HMGA2: variants seen among roughly 807,000 people sequenced by gnomAD.
HMGA2 encodes high mobility group AT-hook 2.
In HMGA2, 8 loss-of-function variants were observed where a neutral mutation model predicts 19.1. The observed-to-expected ratio is 0.42, with a 90% CI of 0.25 to 0.76. The LOEUF (loss-of-function observed/expected upper bound fraction) is 0.76, where lower values mean the gene tolerates loss of function less well. HMGA2 is among the 30% of genes least tolerant of loss of function. The probability of loss-of-function intolerance (pLI) is 0.28; values close to 1 mark genes in which losing one functional copy is unlikely to be tolerated. For missense variants in HMGA2, 109 were observed against 136.3 expected (o/e 0.80, Z 1.00); for synonymous variants, 60 against 48.8 (o/e 1.23, Z -0.96).
intron 3 of HMGA2, among the ~76,000 whole-genome samples, chr12:65,890,118 C>G (rs980427398): frequency 3.5e-4 from 54 of 152,154 alleles, no homozygotes; most frequent in African/African-American, 1.3e-3. Context: ...AAACACTCAG[C>G]AAAATGAGAG....
rs984741611 is a variant in HMGA2 at position 65,864,041 on chromosome 12, T to C, written c.249+25472T>C. Among the ~76,000 whole-genome samples, 32 of 152,202 alleles carry C rather than the reference T, an allele frequency of 2.1e-4. 1 individual carries two copies. Among genetic ancestry groups the C allele is most frequent in the Non-Finnish European group, 1.0e-4 (7 of 68,024 alleles). On this transcript the variant is annotated intron_variant, in intron 3 of 4. Transcript: ENST00000403681. ...TTAGAAGGGTTCCATGAATATTATGTATGTGCAGTAAACATTTATGACCTT... is the reference window on the plus strand; with the variant it reads ...TTAGAAGGGTTCCATGAATATTATGCATGTGCAGTAAACATTTATGACCTT...
intron 3 of HMGA2, among the ~76,000 whole-genome samples, chr12:65,935,833 C>G (rs1392046321): frequency 1.3e-5 from 2 of 151,974 alleles, no homozygotes; most frequent in Admixed American, 6.6e-5. Flanking sequence ...CAATCTCAAA[C>G]AATAGTACAT....
At chr12:65,864,748 T>G (rs1592398771) in intron 3 of HMGA2, among the ~76,000 whole-genome samples, 1 of 152,358 alleles carries the variant, frequency 6.6e-6, no homozygotes, top group East Asian at 1.9e-4. Context: ...TGCAGTGCCA[T>G]TGAACAGAAG....
intron 3 of HMGA2, among the ~76,000 whole-genome samples, chr12:65,875,954 T>C (rs1176677815): frequency 6.6e-6 from 1 of 152,174 alleles, no homozygotes; most frequent in Non-Finnish European, 1.5e-5. Context: ...ATCTGATTTT[T>C]TTTAAAAGTG....
chr12:65,908,158 G>A (rs1373299445), intron 3 of HMGA2, among the ~76,000 whole-genome samples: 2 of 152,134 alleles, frequency 1.3e-5, no homozygotes, highest in African/African-American at 4.8e-5. Flanking sequence ...TTATTTTCAT[G>A]GTGAGTTATG....
At chr12:65,882,556 C>T (rs1873473960) in intron 3 of HMGA2, among the ~76,000 whole-genome samples, 2 of 152,338 alleles carry the variant, frequency 1.3e-5, no homozygotes, top group Non-Finnish European at 1.5e-5. Context: ...TCCTGAGGGC[C>T]TGTCCCCACT....
intron 3 of HMGA2, among the ~76,000 whole-genome samples, 172 bp from the exon 4 acceptor site, chr12:65,951,211 G>T (rs753501335): frequency 5.3e-5 from 8 of 152,142 alleles, no homozygotes; most frequent in Non-Finnish European, 8.8e-5. Context: ...TTATAAGCGT[G>T]AGCCACCATG....
chr12:65,913,613 C>T (rs1347603668), intron 3 of HMGA2, among the ~76,000 whole-genome samples: 1 of 152,252 alleles, frequency 6.6e-6, no homozygotes, highest in Non-Finnish European at 1.5e-5. Context: ...TATTATTCAG[C>T]CTTTTAATAA....
chr12:65,914,424 A>G (rs895353868), intron 3 of HMGA2, among the ~76,000 whole-genome samples: 14 of 145,134 alleles, frequency 9.6e-5, no homozygotes, highest in Non-Finnish European at 1.6e-4. Context: ...ATTCTCACTC[A>G]TAGGTGGGAA....
intron 3 of HMGA2, chr12:65,915,310 C>T: frequency 7.0e-7 from 1 of 1,418,896 alleles, no homozygotes; most frequent in Non-Finnish European, 9.2e-7. Context: ...GTCTGCATCC[C>T]AAGATGTAGT....
chr12:65,957,657 C>A (rs1341328662), intron 4 of HMGA2: 1 of 152,070 alleles, frequency 6.6e-6, no homozygotes, highest in Non-Finnish European at 1.5e-5. Context: ...TTAGTTTATA[C>A]CTAAAATGAT....
chr12:65,842,148 T>A (rs1219316479), intron 3 of HMGA2: 1 of 1,280,574 alleles, frequency 7.8e-7, no homozygotes, highest in African/African-American at 1.5e-5. Context: ...GAGCTCAGGC[T>A]CTGGATTCAG....
intron 3 of HMGA2, among the ~76,000 whole-genome samples, chr12:65,926,726 C>T (rs1032826900): frequency 1.3e-5 from 2 of 152,154 alleles, no homozygotes; most frequent in African/African-American, 4.8e-5. Context: ...CCATGAAGAT[C>T]ACAAAGGAAA....
chr12:65,861,273 G>C (rs762796883), intron 3 of HMGA2, among the ~76,000 whole-genome samples: 3 of 152,160 alleles, frequency 2.0e-5, no homozygotes, highest in African/African-American at 2.4e-5. Context: ...GGCTGAGGCA[G>C]GAGAATCGCT....
chr12:65,962,948 T>C (rs913129219), intron 4 of HMGA2, among the ~76,000 whole-genome samples: 3 of 152,094 alleles, frequency 2.0e-5, no homozygotes, highest in Admixed American at 6.6e-5. Flanking sequence ...AATTGGTGAG[T>C]AAGCGTGCAT....
At chr12:65,875,707 T>TTCCAAGGG (rs376911236) in intron 3 of HMGA2, among the ~76,000 whole-genome samples, 11 of 147,216 alleles carry the variant, frequency 7.5e-5, no homozygotes, top group African/African-American at 2.5e-4. Flanking sequence ...TGACTCGGCC[T>TTCCAAGGG]TCCAAGGGGC....
At chr12:65,942,322 T>C (rs568746522) in intron 3 of HMGA2, among the ~76,000 whole-genome samples, 1 of 152,312 alleles carries the variant, frequency 6.6e-6, no homozygotes, top group East Asian at 1.9e-4. Context: ...CATGTGCATA[T>C]GCAAAGTGAC....
At chr12:65,858,835 AC>A in intron 3 of HMGA2, 1 of 152,304 alleles carries the variant, frequency 6.6e-6, no homozygotes, top group South Asian at 2.1e-4. Context: ...CAGTATTTCT[AC>A]TTTTTATTCT....
chr12:65,952,271 G>A, intron 4 of HMGA2: 1 of 948,754 alleles, frequency 1.1e-6, no homozygotes, highest in Admixed American at 2.0e-5. Context: ...AAATTAAGTA[G>A]AACTCTTTCA....
Sources: gnomAD v4.1 joint callset for allele counts (sites outside exome capture counted in the v4.1 genomes callset) on GRCh38, gnomAD v4.1.1 for gene constraint, MANE v1.5 for transcripts, NCBI Gene and HGNC (gene_info 2026-07-23, HGNC 2026-07-21) for gene names.